Variants in ERP44 observed in about 807,000 individuals in gnomAD.
ERP44 encodes the protein endoplasmic reticulum protein 44.
In ERP44, 25 loss-of-function variants were observed where a neutral mutation model predicts 53.4. That is an observed-to-expected ratio of 0.47 (90% CI 0.34 to 0.65). ERP44 has a LOEUF of 0.65. ERP44 is among the 30% of genes least tolerant of loss of function. The pLI, the probability that ERP44 is intolerant of heterozygous loss-of-function variation, is 0.01. For missense variants in ERP44, 338 were observed against 493.2 expected (o/e 0.69, Z 2.98); for synonymous variants, 145 against 161.2 (o/e 0.90, Z 0.76).
Position 99,980,969 on chromosome 9 carries a change from T to C in ERP44, c.*1643A>G, listed in dbSNP as rs533089080. On this transcript the variant is annotated 3_prime_UTR_variant, in exon 12 of 12. Coordinates refer to ENST00000262455, the MANE Select transcript of ERP44 (RefSeq NM_015051.3). ...CAAACCCAGTTACAGGATTACTATA[T>C]TATTCCAGTTGATTGCATGTGCTGC... 36 of 152,374 alleles carry C rather than the reference T, an allele frequency of 2.4e-4. No homozygotes were observed. The highest frequency in any genetic ancestry group is 8.4e-4 in the African/African-American group (35 of 41,590). The allele number at this position is 152,374 out of a possible 1,614,324, so 9.4% of individuals were successfully genotyped here.
intron 1 of ERP44, among the ~76,000 whole-genome samples, chr9:100,071,923 A>G (rs879149347): frequency 6.6e-6 from 1 of 152,204 alleles, no homozygotes; most frequent in East Asian, 1.9e-4. Flanking sequence ...CTCTGTCTCC[A>G]GAAAAAAAAT....
At chr9:100,046,698 T>C (rs916443160) in intron 4 of ERP44, among the ~76,000 whole-genome samples, 1 of 152,168 alleles carries the variant, frequency 6.6e-6, no homozygotes, top group African/African-American at 2.4e-5. Flanking sequence ...TTCCCACAAA[T>C]TGCCCTGAGG....
intron 1 of ERP44, among the ~76,000 whole-genome samples, chr9:100,087,164 T>C (rs1826494807): frequency 6.6e-6 from 1 of 151,894 alleles, no homozygotes; most frequent in South Asian, 2.1e-4. Flanking sequence ...CAATGGACTA[T>C]ACGACAAAAC....
intron 8 of ERP44, 126 bp downstream of exon 8, chr9:100,016,196 T>C (rs1830524268): frequency 4.3e-6 from 6 of 1,383,874 alleles, no homozygotes; most frequent in Non-Finnish European, 9.5e-7. Flanking sequence ...ACAGCTATGA[T>C]ATAGTTATGT....
At chr9:100,043,000 CT>C (rs1327615464) in intron 4 of ERP44, among the ~76,000 whole-genome samples, 1 of 151,886 alleles carries the variant, frequency 6.6e-6, no homozygotes, top group Non-Finnish European at 1.5e-5. Flanking sequence ...TGGCTCATGC[CT>C]GTAATCCCAG....
chr9:100,045,304 A>C (rs1266200567), intron 4 of ERP44, among the ~76,000 whole-genome samples: 1 of 152,076 alleles, frequency 6.6e-6, no homozygotes, highest in Non-Finnish European at 1.5e-5. Context: ...ACTAAGTCAG[A>C]CTCATCATTT....
In ERP44 at chr9:99,980,901, T is replaced by C. The variant is rs145936623; in HGVS notation, c.*1711A>G. ...AATAACTACTCTCAAGCCAGCTCTC[T>C]GCAACCTAACCCTTGAATTGTATCT... is the stretch of plus-strand genomic sequence containing the variant. On this transcript the variant is annotated 3_prime_UTR_variant, in exon 12 of 12. Coordinates refer to ENST00000262455, the MANE Select transcript of ERP44 (RefSeq NM_015051.3). 6.6e-6 allele frequency: 1 copy of C among 152,370 alleles called. No homozygotes were observed. The highest frequency in any genetic ancestry group is 1.5e-5 in the Non-Finnish European group (1 of 68,034). The allele number at this position is 152,370 out of a possible 1,614,324, so 9.4% of individuals were successfully genotyped here.
chr9:99,992,253 T>C (rs1257968881), intron 10 of ERP44, among the ~76,000 whole-genome samples: 1 of 152,148 alleles, frequency 6.6e-6, no homozygotes, highest in Non-Finnish European at 1.5e-5. Flanking sequence ...TGAACATGGA[T>C]GCAAAAATCC....
intron 1 of ERP44, among the ~76,000 whole-genome samples, chr9:100,068,413 G>T (rs1365779320): frequency 5.3e-5 from 2 of 37,396 alleles, no homozygotes; most frequent in Non-Finnish European, 1.1e-4. Context: ...GCCAGCCGCC[G>T]GGCCAGCCGC....
chr9:100,060,002 C>G (rs766443104), intron 2 of ERP44, 98 bp downstream of exon 2: 2 of 1,014,148 alleles, frequency 2.0e-6, no homozygotes, highest in Non-Finnish European at 2.6e-6. Context: ...TTCATCTGTG[C>G]TAGCTAACTG....
intron 1 of ERP44, among the ~76,000 whole-genome samples, chr9:100,070,754 G>T (rs1345244022): frequency 6.6e-6 from 1 of 152,160 alleles, no homozygotes; most frequent in Non-Finnish European, 1.5e-5. Context: ...GGCTATAGAG[G>T]AACATCTTGT....
chr9:99,985,270 T>C (rs1830184310), intron 10 of ERP44, among the ~76,000 whole-genome samples: 1 of 152,212 alleles, frequency 6.6e-6, no homozygotes, highest in Non-Finnish European at 1.5e-5. Flanking sequence ...CTAATTCCTG[T>C]ACTTGTTTCA....
At chr9:99,988,533 T>G (rs534279172) in intron 10 of ERP44, among the ~76,000 whole-genome samples, 2 of 152,306 alleles carry the variant, frequency 1.3e-5, no homozygotes, top group African/African-American at 4.8e-5. Flanking sequence ...CCTTAGCACC[T>G]TTAAAAAAAT....
intron 8 of ERP44, among the ~76,000 whole-genome samples, chr9:100,011,211 C>A (rs540480120): frequency 1.6e-4 from 24 of 152,280 alleles, no homozygotes; most frequent in African/African-American, 5.8e-4. Flanking sequence ...AAATCCCAAT[C>A]TCTTCTAGGC....
chr9:100,023,431 C>CTT (rs1320709388), intron 4 of ERP44, among the ~76,000 whole-genome samples: 1 of 103,206 alleles, frequency 9.7e-6, no homozygotes. Context: ...ACTTTGATTT[C>CTT]TTTTTTTTTT....
chr9:100,068,219 T>TGCGCCCGGCCAGCC (rs1826248371), intron 1 of ERP44, among the ~76,000 whole-genome samples: 1 of 80,624 alleles, frequency 1.2e-5, no homozygotes, highest in Admixed American at 1.2e-4. Context: ...GGGTCAGCCC[T>TGCGCCCGGCCAGCC]GCGCCCGGCC....
intron 10 of ERP44, among the ~76,000 whole-genome samples, chr9:99,995,537 A>T (rs1261052326): frequency 1.3e-5 from 2 of 149,756 alleles, no homozygotes; most frequent in South Asian, 2.1e-4. Context: ...CATAACCCCC[A>T]GCCTCTGGTA....
chr9:100,014,499 G>A (rs931853605), intron 8 of ERP44, among the ~76,000 whole-genome samples: 2 of 152,172 alleles, frequency 1.3e-5, no homozygotes, highest in African/African-American at 2.4e-5. Flanking sequence ...TAGTTAGCCA[G>A]GCTGGTCTCG....
chr9:100,098,066 A>G (rs1826668387), intron 1 of ERP44, among the ~76,000 whole-genome samples: 1 of 152,210 alleles, frequency 6.6e-6, no homozygotes, highest in African/African-American at 2.4e-5. Context: ...CTGGGGCAAG[A>G]GGGACTAGGG....
Sources: allele counts gnomAD v4.1 joint callset (sites outside exome capture counted in the v4.1 genomes callset), GRCh38; gene constraint gnomAD v4.1.1; transcripts MANE v1.5; gene names NCBI Gene and HGNC (gene_info 2026-07-23, HGNC 2026-07-21).